Variants in HSD17B3 observed in about 807,000 individuals in gnomAD.
HSD17B3 encodes hydroxysteroid 17-beta dehydrogenase 3, also known as 17-beta-hydroxysteroid dehydrogenase type 3.
HSD17B3 carries 29 observed loss-of-function variants against 41.1 expected under a neutral mutation model. That is an observed-to-expected ratio of 0.71 (90% CI 0.53 to 0.96). HSD17B3 has a LOEUF of 0.96. Among genes scored for constraint, HSD17B3 ranks in the 40% least tolerant of loss-of-function variants. The pLI is 0.00. For missense variants in HSD17B3, 323 were observed against 374.6 expected, an observed-to-expected ratio of 0.86 and a Z score of 1.14; for synonymous variants, 126 against 145.6, an observed-to-expected ratio of 0.87 and a Z score of 0.97.
chr9:96,298,656 G>A (rs1215719941), intron 1 of HSD17B3, among the ~76,000 whole-genome samples, 194 bp from the exon 2 acceptor site: 1 of 151,972 alleles, frequency 6.6e-6, no homozygotes, highest in African/African-American at 2.4e-5. Context: ...TTGGTGGGTG[G>A]GTTGGTTGGT....
chr9:96,259,221 C>T (rs1825772320), intron 2 of HSD17B3, among the ~76,000 whole-genome samples: 1 of 152,206 alleles, frequency 6.6e-6, no homozygotes, highest in African/African-American at 2.4e-5. Flanking sequence ...CAACTCCACC[C>T]TACGGAAGAG....
At chr9:96,274,409 C>A (rs929087614) in intron 2 of HSD17B3, among the ~76,000 whole-genome samples, 2 of 152,056 alleles carry the variant, frequency 1.3e-5, no homozygotes, top group East Asian at 3.8e-4. Flanking sequence ...TGCAGTGAGC[C>A]GAGATTGCAC....
At chr9:96,241,992 A>AGAAAGAAAGAAAGAAAGAAG in intron 9 of HSD17B3, among the ~76,000 whole-genome samples, 2 of 149,384 alleles carry the variant, frequency 1.3e-5, no homozygotes, top group Non-Finnish European at 3.0e-5. Context: ...AAAGAAAGAA[A>AGAAAGAAAGAAAGAAAGAAG]GAAAGAAAGA....
chr9:96,238,350 C>G (rs554252494), intron 10 of HSD17B3, among the ~76,000 whole-genome samples: 1 of 151,928 alleles, frequency 6.6e-6, no homozygotes, highest in Non-Finnish European at 1.5e-5. Flanking sequence ...GCTGTGACAC[C>G]GAGAAAGTGC....
intron 6 of HSD17B3, among the ~76,000 whole-genome samples, chr9:96,248,025 A>T (rs1408110191): frequency 2.0e-5 from 3 of 152,138 alleles, no homozygotes; most frequent in African/African-American, 7.2e-5. Context: ...TCAATATATA[A>T]TTTTTTTAAA....
chr9:96,283,377 T>C (rs919256126), intron 2 of HSD17B3, among the ~76,000 whole-genome samples: 1 of 152,228 alleles, frequency 6.6e-6, no homozygotes, highest in African/African-American at 2.4e-5. Flanking sequence ...ATAAGGTTTA[T>C]GAAAATCTTA....
At chr9:96,279,430 A>G (rs1207844037) in intron 2 of HSD17B3, among the ~76,000 whole-genome samples, 1 of 152,190 alleles carries the variant, frequency 6.6e-6, no homozygotes, top group Non-Finnish European at 1.5e-5. Context: ...GTTTATCTAA[A>G]CACCTGGAAT....
At chr9:96,280,729 AG>A (rs1228273004) in intron 2 of HSD17B3, among the ~76,000 whole-genome samples, 1 of 152,200 alleles carries the variant, frequency 6.6e-6, no homozygotes, top group African/African-American at 2.4e-5. Context: ...TCTATGTCAC[AG>A]GGTGAGGTAA....
chr9:96,249,919 T>C (rs1836827389), intron 5 of HSD17B3, 133 bp from the exon 6 acceptor site: 1 of 1,565,178 alleles, frequency 6.4e-7, no homozygotes, highest in Admixed American at 1.8e-5. Flanking sequence ...CCCTGCAAAT[T>C]AGGCTCATAA....
Position 96,283,028 on chromosome 9 carries a change from G to A in HSD17B3, c.201+15388C>T, listed in dbSNP as rs941982466. Among the ~76,000 whole-genome samples, 4 of 102,904 alleles carry A rather than the reference G, an allele frequency of 3.9e-5. No individual in the cohort carries two copies. The Admixed American group carries it at 4.5e-4, about 12-fold the overall frequency. The allele number at this position is 102,904 out of a possible 152,430, so 67.5% of individuals were successfully genotyped here. A position where few individuals can be genotyped will look rare whatever the true frequency, so the allele number is the denominator to read the frequency against. ...TTTTTTTTTTTTTTTTTTTAGAGATGGAGTTTCACTCTTTTTGCCCAGGCT... is the reference window on the plus strand; with the variant it reads ...TTTTTTTTTTTTTTTTTTTAGAGATAGAGTTTCACTCTTTTTGCCCAGGCT... On this transcript the variant is annotated intron_variant, in intron 2 of 10. Coordinates refer to ENST00000375263, the MANE Select transcript of HSD17B3 (RefSeq NM_000197.2).
chr9:96,268,806 G>A (rs1296031631), intron 2 of HSD17B3, among the ~76,000 whole-genome samples: 1 of 152,058 alleles, frequency 6.6e-6, no homozygotes, highest in Admixed American at 6.6e-5. Flanking sequence ...AAAATTAGCT[G>A]CACGTGGTGG....
At chr9:96,254,739 C>A in intron 3 of HSD17B3, 129 bp downstream of exon 3, 1 of 791,032 alleles carries the variant, frequency 1.3e-6, no homozygotes, top group Non-Finnish European at 2.2e-6. Flanking sequence ...TAACCGGGCT[C>A]CCCAGGAGAG....
intron 2 of HSD17B3, among the ~76,000 whole-genome samples, chr9:96,291,046 C>T (rs1318551932): frequency 2.0e-5 from 3 of 152,082 alleles, no homozygotes; most frequent in African/African-American, 7.2e-5. Flanking sequence ...TGGTGAGGCT[C>T]TGTAGCAAGG....
At chr9:96,249,154 C>T (rs377055064) in intron 6 of HSD17B3, among the ~76,000 whole-genome samples, 6 of 152,126 alleles carry the variant, frequency 3.9e-5, no homozygotes, top group Non-Finnish European at 8.8e-5. Context: ...TGATCTACCT[C>T]GGCCTCCCAA....
At chr9:96,272,446 TAAAATATATATGA>T (rs1826301981) in intron 2 of HSD17B3, among the ~76,000 whole-genome samples, 2 of 85,848 alleles carry the variant, frequency 2.3e-5, no homozygotes, top group Admixed American at 1.5e-4. Context: ...TATATATATA[TAAAATATATATGA>T]ATATAATATA....
At position 96,235,459 on chromosome 9, in the gene HSD17B3, G is replaced by A. The variant is rs1554691418; in HGVS notation, c.*1C>T. 24 of 1,608,936 alleles carry A rather than the reference G, an allele frequency of 1.5e-5. No individual in the cohort carries two copies. The South Asian group carries it at 2.3e-4, about 16-fold the overall frequency. On this transcript the variant is annotated 3_prime_UTR_variant, in exon 11 of 11. Coordinates refer to ENST00000375263, the MANE Select transcript of HSD17B3 (RefSeq NM_000197.2). ...GTTGTGCTGGACTCCTCACCGCCTGGCTACCTGACCTTGGTGTTGAGCTTC... is the reference window on the plus strand; with the variant it reads ...GTTGTGCTGGACTCCTCACCGCCTGACTACCTGACCTTGGTGTTGAGCTTC...
intron 2 of HSD17B3, among the ~76,000 whole-genome samples, chr9:96,277,480 G>A (rs533151925): frequency 4.6e-5 from 7 of 152,222 alleles, no homozygotes; most frequent in South Asian, 4.1e-4. Context: ...GTTCAATATC[G>A]CTAATTATCA....
chr9:96,247,243 G>T (rs1393266296), intron 6 of HSD17B3: 2 of 154,630 alleles, frequency 1.3e-5, no homozygotes, highest in African/African-American at 4.8e-5. Flanking sequence ...TACAAATGAA[G>T]GAAGAGGCAA....
At chr9:96,298,499 C>A in intron 1 of HSD17B3, 37 bp from the exon 2 acceptor site, 1 of 1,572,426 alleles carries the variant, frequency 6.4e-7, no homozygotes, top group South Asian at 1.1e-5. Context: ...AGACAGAATT[C>A]ATCTTTAAAC....
Sources: allele counts gnomAD v4.1 joint callset (sites outside exome capture counted in the v4.1 genomes callset), GRCh38; gene constraint gnomAD v4.1.1; transcripts MANE v1.5; gene names NCBI Gene and HGNC (gene_info 2026-07-23, HGNC 2026-07-21).